Variants in VAV2 observed in about 807,000 individuals in gnomAD.
VAV2 encodes the protein guanine nucleotide exchange factor VAV2.
Under a neutral mutation model 132.5 loss-of-function variants are expected in VAV2, and 67 were observed. The ratio of observed to expected loss-of-function variants is 0.51; its 90% CI spans 0.42 to 0.62. VAV2 has a LOEUF of 0.62. Among genes scored for constraint, VAV2 ranks in the 20% least tolerant of loss-of-function variants. VAV2 has a pLI of 0.00. For missense variants in VAV2, 938 were observed against 1,153.6 expected (o/e 0.81, Z 2.71); for synonymous variants, 492 against 443.5 (o/e 1.11, Z -1.37).
chr9:133,867,112 C>T (rs1837836094), intron 2 of VAV2, among the ~76,000 whole-genome samples: 2 of 152,212 alleles, frequency 1.3e-5, no homozygotes, highest in Non-Finnish European at 1.5e-5. Context: ...CCGTGAGTGC[C>T]GAGTGAGGAC....
intron 4 of VAV2, among the ~76,000 whole-genome samples, chr9:133,828,517 C>T (rs114316921): frequency 0.016 from 2,309 of 147,924 alleles, 109 homozygotes; most frequent in African/African-American, 0.059. Context: ...CGCCGGCATG[C>T]GGCCACCTTC....
At chr9:133,962,852 C>A (rs116908542) in intron 1 of VAV2, among the ~76,000 whole-genome samples, 3 of 152,170 alleles carry the variant, frequency 2.0e-5, no homozygotes, top group Admixed American at 6.5e-5. Context: ...CCACATTGAG[C>A]GCTTGGCTCC....
rs373274037 is a variant in VAV2, at chr9:133,807,291, C to T, written c.702G>A (p.Pro234=). ...YMSPLRLVLS[P]ADMAAVFINL... is the part of the protein sequence containing the mutation. ...TAATGAAGACAGCTGCCATGTCCGC[C>T]GGGCTCAGCACCAGCCGCAGGGGGC... The change falls in exon 8 of 30, where the codon CCG becomes CCA. Residue 234 remains proline (P), a synonymous_variant. Transcript: ENST00000371850. 5.0e-6 allele frequency: 8 copies of T among 1,611,230 alleles called. No homozygotes were observed. Among genetic ancestry groups the T allele is most frequent in the South Asian group, 3.3e-5 (3 of 90,476 alleles).
intron 25 of VAV2, among the ~76,000 whole-genome samples, chr9:133,774,085 C>A (rs1391065690): frequency 3.9e-5 from 6 of 152,204 alleles, no homozygotes; most frequent in African/African-American, 1.4e-4. Flanking sequence ...AGACACATAG[C>A]AAGGACTCCA....
At chr9:133,915,410 T>C (rs1465491758) in intron 2 of VAV2, among the ~76,000 whole-genome samples, 1 of 152,236 alleles carries the variant, frequency 6.6e-6, no homozygotes, top group Non-Finnish European at 1.5e-5. Flanking sequence ...AACGGCCAGC[T>C]GACTTTCTCC....
At chr9:133,941,531 T>C (rs537482016) in intron 1 of VAV2, among the ~76,000 whole-genome samples, 1 of 152,062 alleles carries the variant, frequency 6.6e-6, no homozygotes, top group East Asian at 1.9e-4. Context: ...CACTCCATGA[T>C]CTTTGTTTTT....
chr9:133,988,686 G>A (rs752039843), intron 1 of VAV2, among the ~76,000 whole-genome samples: 1 of 152,240 alleles, frequency 6.6e-6, no homozygotes, highest in Non-Finnish European at 1.5e-5. Context: ...CACTTTGGGA[G>A]GCTGAGGCGA....
chr9:133,902,809 C>T (rs560900131), intron 2 of VAV2, among the ~76,000 whole-genome samples: 2 of 152,282 alleles, frequency 1.3e-5, no homozygotes, highest in African/African-American at 2.4e-5. Context: ...CAATGGCTCA[C>T]GCCTGTAACC....
intron 3 of VAV2, among the ~76,000 whole-genome samples, chr9:133,841,666 T>C (rs1169496910): frequency 6.6e-6 from 1 of 152,168 alleles, no homozygotes; most frequent in African/African-American, 2.4e-5. Flanking sequence ...CTGTGCTCAC[T>C]GGAGGGGAGA....
chr9:133,937,342 C>G (rs1212265095), intron 2 of VAV2, among the ~76,000 whole-genome samples: 2 of 150,392 alleles, frequency 1.3e-5, no homozygotes, highest in Non-Finnish European at 3.0e-5. Context: ...ACATGGAAGA[C>G]GGGTTCAAGT....
chr9:133,779,946 G>C lies in VAV2; in HGVS notation c.1741-7C>G, dbSNP rs1353147303. ...GTCCCGCTCCGGAGGCGTCCTGTGA[G>C]GACAAGGACAGAACACAGAGATGAG... On this transcript the variant is annotated splice_region_variant and splice_polypyrimidine_tract_variant and intron_variant, in intron 20 of 29. Transcript: ENST00000371850. 1 of 1,612,490 alleles carries C rather than the reference G, an allele frequency of 6.2e-7. No homozygotes were observed. The highest frequency in any genetic ancestry group is 1.7e-5 in the Admixed American group (1 of 59,954).
At chr9:133,940,042 T>A (rs1014714488) in intron 1 of VAV2, among the ~76,000 whole-genome samples, 5 of 152,178 alleles carry the variant, frequency 3.3e-5, no homozygotes, top group Admixed American at 2.0e-4. Context: ...GTAAGGAAAC[T>A]TATAAGGCAG....
At chr9:133,887,544 A>C (rs1359061066) in intron 2 of VAV2, among the ~76,000 whole-genome samples, 3 of 145,728 alleles carry the variant, frequency 2.1e-5, no homozygotes, top group Non-Finnish European at 3.0e-5. Flanking sequence ...ACAAGTCAGC[A>C]GCACTGAACT....
At chr9:133,774,908 C>T in intron 25 of VAV2, 27 bp downstream of exon 25, 1 of 1,595,002 alleles carries the variant, frequency 6.3e-7, no homozygotes, top group East Asian at 2.2e-5. Context: ...GGGGATGGGT[C>T]TCCTCGAGCC....
rs1448786149 is a variant in VAV2 at position 133,768,488 on chromosome 9, C to T, written c.2543G>A (p.Arg848His). The part of the protein sequence containing the change: ...REGDVVRIYS[R>H]IGGDQGWWKG... ...CCACCAGCCCTGGTCTCCGCCGATG[C>T]GGCTGTAGATCCTCACCACGTCACC... The change falls in exon 29 of 30, where the codon CGC (arginine) becomes CAC (histidine). Residue 848 changes from arginine (R) to histidine (H), a missense_variant. Coordinates refer to ENST00000371850, the MANE Select transcript of VAV2 (RefSeq NM_001134398.2). The surrounding 1 kb of genome is among the most constrained non-coding windows in gnomAD (Gnocchi z 5.3). 3 of 1,613,884 alleles carry T rather than the reference C, an allele frequency of 1.9e-6. No homozygotes were observed. Among genetic ancestry groups the T allele is most frequent in the South Asian group, 2.2e-5 (2 of 91,076 alleles).
chr9:133,982,903 G>T (rs1842742346), intron 1 of VAV2, among the ~76,000 whole-genome samples: 1 of 152,192 alleles, frequency 6.6e-6, no homozygotes, highest in Non-Finnish European at 1.5e-5. Context: ...GACCACCCAG[G>T]GCTGCTGTCG....
chr9:133,981,616 C>G lies in VAV2; in HGVS notation c.204+10459G>C, dbSNP rs542859864. Among the ~76,000 whole-genome samples the G allele has an allele frequency of 2.1e-3, 326 of 152,318 alleles. 3 individuals carry two copies. Among genetic ancestry groups the G allele is most frequent in the African/African-American group, 7.1e-3 (295 of 41,564 alleles). On this transcript the variant is annotated intron_variant, in intron 1 of 29. Coordinates refer to ENST00000371850, the MANE Select transcript of VAV2 (RefSeq NM_001134398.2). ...GGGCGCCAGACACACACTTTTTGCACCAAATCTTTCCAAGAGTCTGCAAGG... is the reference window on the plus strand; with the variant it reads ...GGGCGCCAGACACACACTTTTTGCAGCAAATCTTTCCAAGAGTCTGCAAGG...
intron 3 of VAV2, among the ~76,000 whole-genome samples, chr9:133,854,099 ATGCACACACATACCCCTTGCACC>A (rs1375937019): frequency 7.2e-4 from 108 of 149,560 alleles, no homozygotes; most frequent in Middle Eastern, 3.4e-3. Flanking sequence ...CCATCTGCAC[ATGCACACACATACCCCTTGCACC>A]TGCACACACA....
Position 133,823,196 on chromosome 9 carries a change from G to A in VAV2, c.450-10980C>T, listed in dbSNP as rs767809512. On this transcript the variant is annotated intron_variant, in intron 4 of 29. Coordinates refer to ENST00000371850, the MANE Select transcript of VAV2 (RefSeq NM_001134398.2). This position sits in a 1 kb window ranked among gnomAD's most constrained non-coding sequence, Gnocchi z 5.5. ...TAGTTAGGTGTCCTCTCTGTGCTCTGCTCCTTTATGAATGACCCTTATGGA... is the reference window on the plus strand; with the variant it reads ...TAGTTAGGTGTCCTCTCTGTGCTCTACTCCTTTATGAATGACCCTTATGGA... Among the ~76,000 whole-genome samples, 3 of 152,228 alleles carry A rather than the reference G, an allele frequency of 2.0e-5. No homozygotes were observed. The highest frequency in any genetic ancestry group is 4.4e-5 in the Non-Finnish European group (3 of 68,042).
Sources: allele counts gnomAD v4.1 joint callset (sites outside exome capture counted in the v4.1 genomes callset), GRCh38; gene constraint gnomAD v4.1.1; non-coding constraint Gnocchi (gnomAD v3.1); transcripts MANE v1.5; gene names NCBI Gene and HGNC (gene_info 2026-07-23, HGNC 2026-07-21).